The following CCDC7 variants were observed in gnomAD, a reference collection of about 807,000 sequenced individuals.
CCDC7 encodes the protein coiled-coil domain-containing protein 7.
In CCDC7, 183 loss-of-function variants were observed where a neutral mutation model predicts 196.9. The ratio of observed to expected loss-of-function variants is 0.93; its 90% CI spans 0.82 to 1.05. The LOEUF (loss-of-function observed/expected upper bound fraction) is 1.05, where lower values mean the gene tolerates loss of function less well. CCDC7 is among the 50% of genes least tolerant of loss of function. The pLI is 0.00. For missense variants in CCDC7, 1,540 were observed against 1,482.2 expected (o/e 1.04, Z -0.64); for synonymous variants, 525 against 484.6 (o/e 1.08, Z -1.10).
rs866944820 is a variant in CCDC7 at position 32,633,706 on chromosome 10, G to A, written c.1802-548G>A. ...TGTATATATATATATATGTGTGTGTGTGTGTGTGTGTGTGTGTGTGTGTGT... is the reference window on the plus strand; with the variant it reads ...TGTATATATATATATATGTGTGTGTATGTGTGTGTGTGTGTGTGTGTGTGT... On this transcript the variant is annotated intron_variant, in intron 18 of 41. Transcript: ENST00000639629. Among the ~76,000 whole-genome samples the A allele has an allele frequency of 3.9e-3, 443 of 113,770 alleles. 2 individuals are homozygous for A. The highest frequency in any genetic ancestry group is 0.01 in the African/African-American group (369 of 35,962). 74.6% of individuals were successfully genotyped at this position (113,770 alleles called of 152,430 possible).
At chr10:32,480,300 C>T (rs577766430) in intron 8 of CCDC7, among the ~76,000 whole-genome samples, 1 of 151,516 alleles carries the variant, frequency 6.6e-6, no homozygotes, top group African/African-American at 2.4e-5. Context: ...GCTCTTTTGT[C>T]TTTTTTTAAT....
At chr10:32,596,099 G>A (rs559714436) in intron 18 of CCDC7, among the ~76,000 whole-genome samples, 2 of 152,278 alleles carry the variant, frequency 1.3e-5, no homozygotes, top group East Asian at 3.9e-4. Context: ...GGATATCCTT[G>A]TTAACTTTCT....
intron 9 of CCDC7, among the ~76,000 whole-genome samples, chr10:32,498,191 A>G (rs2043212896): frequency 1.3e-5 from 2 of 152,054 alleles, no homozygotes; most frequent in African/African-American, 4.8e-5. Flanking sequence ...AGTCTGTTTC[A>G]TCAGAGACTA....
At chr10:32,834,567 T>C (rs1456785245) in intron 32 of CCDC7, among the ~76,000 whole-genome samples, 3 of 152,068 alleles carry the variant, frequency 2.0e-5, no homozygotes, top group African/African-American at 7.2e-5. Flanking sequence ...TAACTGTATA[T>C]CTGATTTTGT....
intron 8 of CCDC7, among the ~76,000 whole-genome samples, chr10:32,479,928 A>G (rs754799689): frequency 1.1e-4 from 16 of 150,552 alleles, no homozygotes; most frequent in Non-Finnish European, 1.8e-4. Context: ...TTCATGATTT[A>G]GTCTTGGTGG....
chr10:32,714,707 G>T (rs370278296), intron 25 of CCDC7, among the ~76,000 whole-genome samples: 5 of 152,164 alleles, frequency 3.3e-5, no homozygotes, highest in Admixed American at 6.5e-5. Context: ...CAAGCTTGGT[G>T]GGGGGAGGGG....
intron 29 of CCDC7, among the ~76,000 whole-genome samples, chr10:32,802,789 T>C (rs1350744513): frequency 6.6e-6 from 1 of 152,220 alleles, no homozygotes; most frequent in East Asian, 1.9e-4. Flanking sequence ...ACTTCGAGTC[T>C]GGTGTTGAAG....
At chr10:32,528,109 A>G (rs532454326) in intron 11 of CCDC7, among the ~76,000 whole-genome samples, 1 of 152,264 alleles carries the variant, frequency 6.6e-6, no homozygotes, top group Non-Finnish European at 1.5e-5. Flanking sequence ...TGTAAATTAG[A>G]ATATGGGGTA....
chr10:32,560,346 G>C (rs1475339584), intron 13 of CCDC7, among the ~76,000 whole-genome samples: 2 of 152,082 alleles, frequency 1.3e-5, no homozygotes, highest in South Asian at 2.1e-4. Flanking sequence ...TCCTCGAGAA[G>C]AGCAACTCCA....
chr10:32,698,125 A>G (rs1051284623), intron 24 of CCDC7, among the ~76,000 whole-genome samples: 2 of 152,208 alleles, frequency 1.3e-5, no homozygotes, highest in Admixed American at 1.3e-4. Context: ...TGACTGTTAG[A>G]AGAAAAACTA....
At chr10:32,467,206 A>G (rs930110772) in intron 5 of CCDC7, among the ~76,000 whole-genome samples, 2 of 151,672 alleles carry the variant, frequency 1.3e-5, no homozygotes, top group African/African-American at 4.8e-5. Flanking sequence ...GGTTCAAGCA[A>G]TTGTCCTGCC....
chr10:32,632,955 G>T (rs1366721516), intron 18 of CCDC7, among the ~76,000 whole-genome samples: 6 of 152,112 alleles, frequency 3.9e-5, no homozygotes, highest in African/African-American at 1.4e-4. Context: ...CTTCCAGTGA[G>T]CTCTACTTAA....
intron 31 of CCDC7, among the ~76,000 whole-genome samples, chr10:32,816,683 T>C (rs925312340): frequency 6.6e-6 from 1 of 152,112 alleles, no homozygotes; most frequent in African/African-American, 2.4e-5. Flanking sequence ...TTCACCAATA[T>C]CCGCTGTTCT....
chr10:32,879,055 A>G (rs2094692132), downstream of CCDC7, among the ~76,000 whole-genome samples: 1 of 149,514 alleles, frequency 6.7e-6, no homozygotes, highest in African/African-American at 2.4e-5. Context: ...CACTATCTCT[A>G]ATTTTTTTTT....
intron 25 of CCDC7, among the ~76,000 whole-genome samples, chr10:32,723,293 C>T (rs143008506): frequency 6.6e-6 from 1 of 152,230 alleles, no homozygotes; most frequent in Non-Finnish European, 1.5e-5. Context: ...ATCTGTGCAG[C>T]AGCTACTTTT....
chr10:32,502,731 C>CT (rs1387803510), intron 9 of CCDC7, among the ~76,000 whole-genome samples: 8 of 152,194 alleles, frequency 5.3e-5, no homozygotes, highest in Non-Finnish European at 4.4e-5. Context: ...CATTGAATCT[C>CT]TAAGTTATTT....
intron 15 of CCDC7, among the ~76,000 whole-genome samples, chr10:32,568,975 G>A (rs2057231627): frequency 6.6e-6 from 1 of 152,140 alleles, no homozygotes. Context: ...CTATTTCCCA[G>A]TATTTATCTC....
intron 5 of CCDC7, among the ~76,000 whole-genome samples, chr10:32,469,606 G>A (rs763938459): frequency 6.6e-6 from 1 of 152,180 alleles, no homozygotes; most frequent in East Asian, 1.9e-4. Flanking sequence ...AGGGTGATAT[G>A]TTGGAAAACT....
chr10:32,629,706 G>T (rs1358305770), intron 18 of CCDC7, among the ~76,000 whole-genome samples: 1 of 152,022 alleles, frequency 6.6e-6, no homozygotes, highest in Non-Finnish European at 1.5e-5. Flanking sequence ...TTTTGGCTTG[G>T]AGAGGTCCCC....
Sources: gnomAD v4.1 joint callset for allele counts (sites outside exome capture counted in the v4.1 genomes callset) on GRCh38, gnomAD v4.1.1 for gene constraint, MANE v1.5 for transcripts, NCBI Gene and HGNC (gene_info 2026-07-23, HGNC 2026-07-21) for gene names.